The following ARHGEF3 variants were observed in gnomAD, a reference collection of about 807,000 sequenced individuals.
The protein encoded by ARHGEF3 is Rho guanine nucleotide exchange factor 3.
ARHGEF3 carries 28 observed loss-of-function variants against 63.2 expected under a neutral mutation model. That is an observed-to-expected ratio of 0.44 (90% CI 0.33 to 0.61). The LOEUF (loss-of-function observed/expected upper bound fraction) is 0.61. Ranked by LOEUF, ARHGEF3 falls within the 20% of genes least tolerant of loss-of-function variation. The pLI, the probability that ARHGEF3 is intolerant of heterozygous loss-of-function variation, is 0.03. For synonymous variants in ARHGEF3, 266 were observed against 254.2 expected (o/e 1.05, Z -0.44); for missense variants, 533 against 659.3 (o/e 0.81, Z 2.10).
intron 3 of ARHGEF3, among the ~76,000 whole-genome samples, chr3:56,902,821 C>A (rs2041559963): frequency 6.6e-6 from 1 of 152,162 alleles, no homozygotes; most frequent in South Asian, 2.1e-4. Context: ...AGCCTTAGGT[C>A]TCAGCTTAAT....
chr3:57,002,462 C>CTATATATATATATATATA (rs1165862414), intron 2 of ARHGEF3, among the ~76,000 whole-genome samples: 5 of 38,676 alleles, frequency 1.3e-4, no homozygotes, highest in Admixed American at 4.0e-4. Context: ...GTTCTAAGCA[C>CTATATATATATATATATA]TATATATATA....
intron 1 of ARHGEF3, among the ~76,000 whole-genome samples, chr3:57,067,361 G>A (rs940180810): frequency 9.9e-5 from 15 of 151,286 alleles, no homozygotes; most frequent in Non-Finnish European, 1.9e-4. Context: ...AGGCTGAGGC[G>A]GGAGAATGGC....
chr3:56,977,646 T>C (rs1701175590), intron 2 of ARHGEF3, among the ~76,000 whole-genome samples: 1 of 151,998 alleles, frequency 6.6e-6, no homozygotes, highest in Non-Finnish European at 1.5e-5. Flanking sequence ...CATGGAGAGA[T>C]GGTGCAGAGA....
chr3:56,974,746 T>C (rs1701056983), intron 2 of ARHGEF3, among the ~76,000 whole-genome samples: 1 of 151,844 alleles, frequency 6.6e-6, no homozygotes, highest in Non-Finnish European at 1.5e-5. Flanking sequence ...GAAATCCACA[T>C]CCTGCACCTC....
intron 3 of ARHGEF3, among the ~76,000 whole-genome samples, chr3:56,914,138 G>C (rs374056357): frequency 6.6e-6 from 1 of 152,180 alleles, no homozygotes; most frequent in African/African-American, 2.4e-5. Flanking sequence ...AAGGGTGAGA[G>C]AGGAGTGAGG....
chr3:56,934,150 A>G (rs972693974), intron 3 of ARHGEF3, among the ~76,000 whole-genome samples: 7 of 152,254 alleles, frequency 4.6e-5, no homozygotes, highest in Non-Finnish European at 7.3e-5. Context: ...GGACTAATAC[A>G]TGGATATAGT....
chr3:56,773,727 G>A lies in ARHGEF3; in HGVS notation c.186C>T (p.Arg62=), dbSNP rs1358906525. 6.3e-7 allele frequency: 1 copy of A among 1,587,924 alleles called. No homozygotes were observed. The highest frequency in any genetic ancestry group is 8.5e-7 in the Non-Finnish European group (1 of 1,171,112). ...TTCTTACCTGCAGGGTTTGACTGAA[G>A]CGCTTTAATGGCGTGGCCTTCACGG... ...IPPVKATPLK[R]FSQTLQRSIS... is the part of the protein sequence containing the mutation. Residue 62 remains arginine, a synonymous_variant, in exon 2 of 10, where the codon CGC becomes CGT. Coordinates refer to ENST00000296315, the MANE Select transcript of ARHGEF3 (RefSeq NM_019555.3).
Position 56,729,377 on chromosome 3 carries a change from C to T in ARHGEF3, c.1474G>A (p.Glu492Lys), listed in dbSNP as rs755630995. 5 of 1,614,126 alleles carry T rather than the reference C, an allele frequency of 3.1e-6. No homozygotes were observed. The South Asian group carries it at 5.5e-5, about 18-fold the overall frequency. The change falls in exon 10 of 10, where the codon GAG becomes AAG. Residue 492 changes from glutamate (E) to lysine (K), a missense_variant. Transcript: ENST00000296315. Reference sequence around the variant, plus strand: ...CTCGTGTCCATACTACAGTCTGACTCACTGTCCGATTGGTCCATCTGCTCA... The same window carrying T: ...CTCGTGTCCATACTACAGTCTGACTTACTGTCCGATTGGTCCATCTGCTCA... ...KLEQMDQSDSESDCSMDTSEV... is the reference protein window; with the variant it reads ...KLEQMDQSDSKSDCSMDTSEV...
Position 56,755,045 on chromosome 3 carries a change from C to CA in ARHGEF3, c.310dup (p.Trp104LeufsTer3). On this transcript the variant is annotated frameshift_variant, in exon 3 of 10. Transcript: ENST00000296315. LOFTEE classifies it high-confidence loss of function. ...GACGCACACATCGAAGGTCTCACTCCACAGCTTGCTATCTCTCCGTTTCGT... is the reference window on the plus strand; with the variant it reads ...GACGCACACATCGAAGGTCTCACTCCAACAGCTTGCTATCTCTCCGTTTCGT... The CA allele has an allele frequency of 6.2e-7, 1 of 1,614,154 alleles. No individual in the cohort carries two copies. Among genetic ancestry groups the CA allele is most frequent in the Non-Finnish European group, 8.5e-7 (1 of 1,180,036 alleles).
At chr3:56,831,708 ATC>A (rs1333501716) in intron 4 of ARHGEF3, among the ~76,000 whole-genome samples, 2 of 152,228 alleles carry the variant, frequency 1.3e-5, no homozygotes, top group Non-Finnish European at 2.9e-5. Context: ...ATCAGAGATG[ATC>A]TCTTCCCAGC....
chr3:57,010,859 TC>T (rs1292327720), intron 2 of ARHGEF3, among the ~76,000 whole-genome samples: 1 of 152,162 alleles, frequency 6.6e-6, no homozygotes, highest in Non-Finnish European at 1.5e-5. Flanking sequence ...CCCTTGTTCA[TC>T]GTCTGCTCAC....
Position 57,044,762 on chromosome 3 carries a change from C to G in ARHGEF3, c.-27-9586G>C, listed in dbSNP as rs9790246. Among the ~76,000 whole-genome samples, 3 of 152,024 alleles carry G rather than the reference C, an allele frequency of 2.0e-5. No homozygotes were observed. In the South Asian group the frequency reaches 6.2e-4, roughly 32 times the overall value. On this transcript the variant is annotated intron_variant, in intron 1 of 12. Coordinates refer to the ARHGEF3 transcript ENST00000338458. The stretch of plus-strand genomic sequence containing the variant: ...TAGTCTTCCCAGTTGAAAATCAGAT[C>G]CCAGATCCCAGGATACGAGGCTTGG...
chr3:56,855,111 G>A (rs945521422), intron 4 of ARHGEF3, among the ~76,000 whole-genome samples: 1 of 152,054 alleles, frequency 6.6e-6, no homozygotes, highest in Admixed American at 6.5e-5. Context: ...AAGGTCAGAG[G>A]AGGGGAAAAG....
intron 1 of ARHGEF3, among the ~76,000 whole-genome samples, chr3:56,790,194 G>A (rs1017761408): frequency 2.0e-5 from 3 of 152,154 alleles, no homozygotes; most frequent in Non-Finnish European, 2.9e-5. Context: ...CCTGTTCCTC[G>A]ATGTTGGTGC....
chr3:56,862,919 GT>G (rs1290341447), intron 4 of ARHGEF3, among the ~76,000 whole-genome samples: 5 of 152,086 alleles, frequency 3.3e-5, no homozygotes, highest in Non-Finnish European at 7.4e-5. Flanking sequence ...GAAGAGTTTG[GT>G]TTTGTTTTTC....
At chr3:57,014,178 G>C (rs1056827161) in intron 2 of ARHGEF3, among the ~76,000 whole-genome samples, 2 of 152,192 alleles carry the variant, frequency 1.3e-5, no homozygotes, top group African/African-American at 4.8e-5. Context: ...AAGCCAGCAA[G>C]ACCACGAACC....
chr3:56,779,955 G>A (rs2036488670), intron 1 of ARHGEF3, among the ~76,000 whole-genome samples: 1 of 152,214 alleles, frequency 6.6e-6, no homozygotes, highest in Admixed American at 6.5e-5. Context: ...CTGTGCAGGT[G>A]CTGGGCGAAG....
At chr3:56,745,654 T>C (rs2034333014) in intron 6 of ARHGEF3, among the ~76,000 whole-genome samples, 192 bp from the exon 7 acceptor site, 1 of 152,084 alleles carries the variant, frequency 6.6e-6, no homozygotes, top group Admixed American at 6.5e-5. Flanking sequence ...TTTCTTAGGC[T>C]CTGGCTTGCT....
At chr3:57,008,074 T>C (rs1222086914) in intron 2 of ARHGEF3, among the ~76,000 whole-genome samples, 2 of 152,230 alleles carry the variant, frequency 1.3e-5, no homozygotes, top group South Asian at 2.1e-4. Flanking sequence ...GCCTGCTTTG[T>C]GCTCTGCTGA....
Sources: gnomAD v4.1 joint callset for allele counts (sites outside exome capture counted in the v4.1 genomes callset) on GRCh38, gnomAD v4.1.1 for gene constraint, MANE v1.5 for transcripts, NCBI Gene and HGNC (gene_info 2026-07-23, HGNC 2026-07-21) for gene names.